Variants in ZNF518A observed in about 807,000 individuals in gnomAD.
ZNF518A encodes zinc finger protein 518A, also known as zinc finger protein 518.
In ZNF518A, 47 loss-of-function variants were observed where a neutral mutation model predicts 102.7. The observed-to-expected ratio is 0.46, with a 90% confidence interval of 0.36 to 0.58. ZNF518A has a LOEUF of 0.58. Ranked by LOEUF, ZNF518A falls within the 20% of genes least tolerant of loss-of-function variation. ZNF518A has a pLI of 0.00. For synonymous variants in ZNF518A, 652 were observed against 594.6 expected (o/e 1.10, Z -1.40); for missense variants, 1,793 against 1,699.8 (o/e 1.05, Z -0.96).
At chr10:96,134,100 A>G (rs1422029425) in intron 3 of ZNF518A, among the ~76,000 whole-genome samples, 1 of 152,218 alleles carries the variant, frequency 6.6e-6, no homozygotes, top group Non-Finnish European at 1.5e-5. Flanking sequence ...GAGTGCTGAC[A>G]TGAAGCTCAA....
At chr10:96,168,624 G>T (rs192783327), downstream of ZNF518A, among the ~76,000 whole-genome samples, 15 of 151,826 alleles carry the variant, frequency 9.9e-5, no homozygotes, top group East Asian at 2.3e-3. Context: ...TAGAATTTTT[G>T]GTTGACAGTT....
At chr10:96,146,034 T>A (rs2082156289) in intron 3 of ZNF518A, among the ~76,000 whole-genome samples, 1 of 152,202 alleles carries the variant, frequency 6.6e-6, no homozygotes, top group Non-Finnish European at 1.5e-5. Context: ...TTTTGACGCA[T>A]TTGTTTATCC....
intron 1 of ZNF518A, among the ~76,000 whole-genome samples, chr10:96,194,711 G>A (rs1554894250): frequency 6.7e-6 from 1 of 149,054 alleles, no homozygotes; most frequent in Non-Finnish European, 1.5e-5. Context: ...TGACTTACAA[G>A]TAGCCAAAAA....
chr10:96,204,254 A>G, downstream of ZNF518A: 1 of 801,010 alleles, frequency 1.2e-6, no homozygotes, highest in Non-Finnish European at 2.0e-6. Flanking sequence ...CCTTAAAGAT[A>G]AGTAAGACTC....
At chr10:96,179,793 C>G (rs12770081) in intron 1 of ZNF518A, among the ~76,000 whole-genome samples, 1 of 150,818 alleles carries the variant, frequency 6.6e-6, no homozygotes, top group Non-Finnish European at 1.5e-5. Context: ...CTTCTTCCTC[C>G]TCCTCCTCCT....
At chr10:96,141,767 A>ATTT (rs2081940464) in intron 3 of ZNF518A, among the ~76,000 whole-genome samples, 1 of 95,442 alleles carries the variant, frequency 1.0e-5, no homozygotes, top group East Asian at 3.5e-4. Context: ...TTTTTTTTTG[A>ATTT]GACAGGGTCT....
chr10:96,171,748 AAGT>A (rs1364686383), intron 1 of ZNF518A, among the ~76,000 whole-genome samples: 1 of 152,140 alleles, frequency 6.6e-6, no homozygotes. Flanking sequence ...AAAATTTTTT[AAGT>A]AGTCAAAGAA....
downstream of ZNF518A, among the ~76,000 whole-genome samples, chr10:96,164,872 T>G (rs587648981): frequency 2.0e-5 from 3 of 152,322 alleles, no homozygotes; most frequent in African/African-American, 7.2e-5. Context: ...AGGGTTATGT[T>G]TATGTGGCAA....
chr10:96,185,483 T>G (rs2083266530), intron 1 of ZNF518A, among the ~76,000 whole-genome samples: 1 of 152,184 alleles, frequency 6.6e-6, no homozygotes, highest in Non-Finnish European at 1.5e-5. Flanking sequence ...GACCTACAGA[T>G]GGGGTTTTGG....
chr10:96,201,503 A>G (rs1195301094), intron 1 of ZNF518A, among the ~76,000 whole-genome samples: 1 of 152,214 alleles, frequency 6.6e-6, no homozygotes, highest in Non-Finnish European at 1.5e-5. Flanking sequence ...AATGAGTTTA[A>G]TATTATTTTT....
At chr10:96,130,253 G>A (rs587747492), upstream of ZNF518A, 1 of 152,564 alleles carries the variant, frequency 6.6e-6, no homozygotes, top group Non-Finnish European at 1.5e-5. Context: ...TCTTGTGAGA[G>A]GAAGCGCGAG....
intron 3 of ZNF518A, among the ~76,000 whole-genome samples, chr10:96,153,624 G>A (rs1423129870): frequency 6.6e-6 from 1 of 152,108 alleles, no homozygotes; most frequent in Non-Finnish European, 1.5e-5. Context: ...CTTAAGTAAG[G>A]GCTAAGTGGA....
intron 3 of ZNF518A, among the ~76,000 whole-genome samples, chr10:96,142,305 G>GC (rs1554876827): frequency 9.6e-6 from 1 of 104,048 alleles, no homozygotes; most frequent in Admixed American, 9.9e-5. Flanking sequence ...ATATTCTTAG[G>GC]GTGTGTGTGT....
chr10:96,156,374 A>G lies in ZNF518A; in HGVS notation c.52A>G (p.Lys18Glu). 1.3e-6 allele frequency: 2 copies of G among 1,593,134 alleles called. No individual in the cohort carries two copies. Among genetic ancestry groups the G allele is most frequent in the Non-Finnish European group, 8.5e-7 (1 of 1,174,036 alleles). Residue 18 changes from lysine to glutamate, a missense_variant, in exon 6 of 6, where the codon AAA becomes GAA. This residue lies in a region of ZNF518A where 1,741 missense variants were observed against 1,622.6 expected (regional missense o/e 1.07). Transcript: ENST00000316045. ...TTGTGATGAAAAACAAACTACTTTA[A>G]AAAAAGATTATGATGTGAAAAATGA... ...LFCDEKQTTLKKDYDVKNEIV... is the reference protein window; with the variant it reads ...LFCDEKQTTLEKDYDVKNEIV...
rs782292780 is a variant in ZNF518A at position 96,158,782 on chromosome 10, C to G, written c.2460C>G (p.His820Gln). 6.2e-7 allele frequency: 1 copy of G among 1,613,382 alleles called. No individual in the cohort carries two copies. The highest frequency in any genetic ancestry group is 1.3e-5 in the African/African-American group (1 of 74,866). ...PLHCDQSFQK[H>Q]EREGKIVESS... is the part of the protein sequence containing the mutation. ...ATTGTGACCAGTCATTTCAAAAACA[C>G]GAGAGAGAAGGCAAAATTGTTGAAT... Residue 820 changes from histidine (H) to glutamine (Q), a missense_variant, in exon 6 of 6, where the codon CAC (histidine) becomes CAG (glutamine). By Grantham distance (24) the His-to-Gln change is conservative. Transcript: ENST00000316045.
chr10:96,188,707 A>AG (rs1383661191), intron 1 of ZNF518A, among the ~76,000 whole-genome samples: 1 of 152,202 alleles, frequency 6.6e-6, no homozygotes, highest in Non-Finnish European at 1.5e-5. Flanking sequence ...TCCTAAAAGG[A>AG]GAAAAAAAAC....
chr10:96,156,789 A>T lies in ZNF518A; in HGVS notation c.467A>T (p.Asn156Ile), dbSNP rs377735673. Residue 156 changes from asparagine (N) to isoleucine (I), a missense_variant, in exon 6 of 6, where the codon AAC becomes ATC. This residue lies in a region of ZNF518A where 1,741 missense variants were observed against 1,622.6 expected (regional missense o/e 1.07). Transcript: ENST00000316045. ...ELPSYPCEMC[N>I]FSANDFQVFK... is the part of the protein sequence containing the mutation. ...CCTTCATATCCTTGTGAAATGTGCA[A>T]CTTTTCAGCAAATGACTTTCAGGTA... The T allele has an allele frequency of 1.4e-5, 22 of 1,613,860 alleles. No homozygotes were observed. The highest frequency in any genetic ancestry group is 4.0e-5 in the African/African-American group (3 of 74,954).
chr10:96,133,827 C>G (rs2081459909), intron 3 of ZNF518A, among the ~76,000 whole-genome samples, 179 bp downstream of exon 3: 1 of 152,130 alleles, frequency 6.6e-6, no homozygotes, highest in South Asian at 2.1e-4. Context: ...TTTACAAAGG[C>G]ATGAATTTTT....
chr10:96,180,171 C>A (rs1340591650), intron 1 of ZNF518A, among the ~76,000 whole-genome samples: 3 of 140,404 alleles, frequency 2.1e-5, no homozygotes, highest in Non-Finnish European at 4.5e-5. Context: ...TGAACCACAG[C>A]TCCAGCCTCT....
Sources: allele counts gnomAD v4.1 joint callset (sites outside exome capture counted in the v4.1 genomes callset), GRCh38; gene constraint gnomAD v4.1.1; regional missense constraint gnomAD v4.1.1; transcripts MANE v1.5; gene names NCBI Gene and HGNC (gene_info 2026-07-23, HGNC 2026-07-21).